Variants in ANKRD26 observed in about 807,000 individuals in gnomAD.
The protein encoded by ANKRD26 is ankyrin repeat domain 26.
ANKRD26 carries 141 observed loss-of-function variants against 208.7 expected under a neutral mutation model. That is an observed-to-expected ratio of 0.68 (90% CI 0.59 to 0.78). The LOEUF (loss-of-function observed/expected upper bound fraction) is 0.78. Among genes scored for constraint, ANKRD26 ranks in the 30% least tolerant of loss-of-function variants. The probability of loss-of-function intolerance (pLI) is 0.00; values close to 1 mark genes in which losing one functional copy is unlikely to be tolerated. For synonymous variants in ANKRD26, 636 were observed against 660.4 expected (o/e 0.96, Z 0.57); for missense variants, 1,889 against 1,938.7 (o/e 0.97, Z 0.48).
intron 17 of ANKRD26, among the ~76,000 whole-genome samples, chr10:27,047,102 T>A (rs2135325116): frequency 6.6e-6 from 1 of 152,310 alleles, no homozygotes; most frequent in East Asian, 1.9e-4. Context: ...AAGTAGCAAT[T>A]AGATTTGGGC....
At chr10:27,093,287 T>C (rs1307278130) in intron 3 of ANKRD26, 62 bp downstream of exon 3, 50 of 1,491,676 alleles carry the variant, frequency 3.4e-5, no homozygotes, top group Non-Finnish European at 4.4e-5. Context: ...AACCCTTACA[T>C]ATGTCACTGT....
intron 15 of ANKRD26, among the ~76,000 whole-genome samples, chr10:27,059,340 TATA>T (rs2054963741): frequency 6.6e-6 from 1 of 152,110 alleles, no homozygotes; most frequent in South Asian, 2.1e-4. Flanking sequence ...ATCTGAAAAA[TATA>T]ATGCTAGGCA....
rs71281564 is a variant in ANKRD26 at position 27,078,910 on chromosome 10, TA to T, written c.813+178del. On this transcript the variant is annotated intron_variant, in intron 7 of 33. Coordinates refer to ENST00000376087, the MANE Select transcript of ANKRD26 (RefSeq NM_014915.3). Reference sequence around the variant, plus strand: ...ATCAATCCTTTGTTATTTACCAAAGTAAAAAAAAAAAAAAAAAAAGAATTCA... The same window carrying T: ...ATCAATCCTTTGTTATTTACCAAAGTAAAAAAAAAAAAAAAAAAGAATTCA... 0.035 allele frequency among the ~76,000 whole-genome samples: 2,625 copies of T among 74,560 alleles called. 113 individuals are homozygous for T. Among genetic ancestry groups the T allele is most frequent in the East Asian group, 0.18 (706 of 3,866 alleles). The allele number at this position is 74,560 out of a possible 152,430, so 48.9% of individuals were successfully genotyped here.
intron 5 of ANKRD26, among the ~76,000 whole-genome samples, chr10:26,978,429 C>T (rs2052258922): frequency 6.6e-6 from 1 of 152,000 alleles, no homozygotes; most frequent in African/African-American, 2.4e-5. Flanking sequence ...GCACTGCAGC[C>T]TAGGTGACAG....
At chr10:27,042,952 C>CA (rs376971749) in intron 20 of ANKRD26, among the ~76,000 whole-genome samples, 3,970 of 82,298 alleles carry the variant, frequency 0.048, 79 homozygotes, top group South Asian at 0.076. Flanking sequence ...AATTTTGTCT[C>CA]AAAAAAAAAA....
At chr10:27,061,353 C>A in intron 12 of ANKRD26, 111 bp from the exon 13 acceptor site, 1 of 672,014 alleles carries the variant, frequency 1.5e-6, no homozygotes, top group Non-Finnish European at 2.5e-6. Flanking sequence ...AAAATTAGTG[C>A]AGTTTTTTAA....
chr10:26,980,962 G>A (rs1039989250), intron 4 of ANKRD26, among the ~76,000 whole-genome samples: 1 of 152,160 alleles, frequency 6.6e-6, no homozygotes, highest in Non-Finnish European at 1.5e-5. Context: ...CTGTAAGGAG[G>A]TGAGGCAGTC....
At chr10:27,053,501 G>T in intron 15 of ANKRD26, 111 bp from the exon 16 acceptor site, 1 of 785,544 alleles carries the variant, frequency 1.3e-6, no homozygotes, top group South Asian at 2.2e-5. Context: ...AAATCGAGAG[G>T]GTTTTCTTCT....
rs368560982 is a variant in ANKRD26 at position 27,100,226 on chromosome 10, G to A, written c.101C>T (p.Ala34Val). The A allele has an allele frequency of 1.5e-4, 239 of 1,612,736 alleles. 1 individual carries two copies. Among genetic ancestry groups the A allele is most frequent in the Middle Eastern group, 5.0e-4 (3 of 6,056 alleles). Reference sequence around the variant, plus strand: ...GACGTGGTAGCCGGGCTGCGAGTAGGCGCCCTCCCCCGGCTCGCCCCCGCC... The same window carrying A: ...GACGTGGTAGCCGGGCTGCGAGTAGACGCCCTCCCCCGGCTCGCCCCCGCC... ...AGGGGEPGEG[A>V]YSQPGYHVRD... Residue 34 changes from alanine (A) to valine (V), a missense_variant, in exon 1 of 34, where the codon GCC becomes GTC. Physicochemically the swap from Ala to Val is moderately conservative, Grantham distance 64 (BLOSUM62 0). This residue lies in a region of ANKRD26 where 1,272 missense variants were observed against 1,273.8 expected (regional missense o/e 1.00). Transcript: ENST00000376087.
the ANKRD26 span, among the ~76,000 whole-genome samples, chr10:26,966,372 A>G: frequency 0.02 from 3,038 of 152,324 alleles, 50 homozygotes; most frequent in Admixed American, 0.035. Flanking sequence ...TCAGCAAACT[A>G]ACACAGGAAC....
downstream of ANKRD26, among the ~76,000 whole-genome samples, chr10:26,968,957 C>T (rs1399606453): frequency 6.6e-6 from 1 of 152,108 alleles, no homozygotes; most frequent in Non-Finnish European, 1.5e-5. Flanking sequence ...TGCCCTGGAT[C>T]CGAAGTTAAT....
intron 20 of ANKRD26, among the ~76,000 whole-genome samples, chr10:27,042,881 G>A (rs185542936): frequency 1.7e-3 from 249 of 143,008 alleles, no homozygotes; most frequent in African/African-American, 6.3e-3. Flanking sequence ...CACAAGAATC[G>A]CTTGAACCCG....
At chr10:26,967,107 A>G in the ANKRD26 span, among the ~76,000 whole-genome samples, 3 of 138,412 alleles carry the variant, frequency 2.2e-5, no homozygotes, top group Admixed American at 7.1e-5. Flanking sequence ...TAAATTTCAT[A>G]TTTTTATGAC....
chr10:26,967,497 G>A, the ANKRD26 span, among the ~76,000 whole-genome samples: 6 of 151,554 alleles, frequency 4.0e-5, no homozygotes, highest in East Asian at 1.9e-4. Flanking sequence ...TCATTCCCAC[G>A]GCTTCAGTTA....
intron 32 of ANKRD26, among the ~76,000 whole-genome samples, chr10:27,010,164 A>G (rs1172547950): frequency 6.6e-6 from 1 of 152,162 alleles, no homozygotes; most frequent in Non-Finnish European, 1.5e-5. Flanking sequence ...AATTTTTTTA[A>G]TGTATGAAAG....
intron 6 of ANKRD26, chr10:27,080,276 C>G (rs1195309225): frequency 3.3e-5 from 5 of 152,726 alleles, no homozygotes; most frequent in African/African-American, 1.2e-4. Context: ...ATATGTGTCA[C>G]TCAAAAATGG....
downstream of ANKRD26, among the ~76,000 whole-genome samples, chr10:26,972,836 C>CGCCT (rs1228650157): frequency 4.6e-5 from 7 of 152,080 alleles, no homozygotes; most frequent in Non-Finnish European, 8.8e-5. Context: ...GTGATCTGCC[C>CGCCT]GCCTCAGCCT....
chr10:27,014,434 T>A (rs1224285216), intron 31 of ANKRD26, 60 bp downstream of exon 31: 4 of 1,288,390 alleles, frequency 3.1e-6, no homozygotes. Context: ...CTAAGAATTA[T>A]GCTTTCAAGG....
In ANKRD26 at chr10:27,061,181, C is replaced by T. The variant is rs749323225; in HGVS notation, c.1425G>A (p.Glu475=). 6.2e-7 allele frequency: 1 copy of T among 1,612,748 alleles called. No individual in the cohort carries two copies. Among genetic ancestry groups the T allele is most frequent in the Non-Finnish European group, 8.5e-7 (1 of 1,179,166 alleles). ...CTGGCATGCCTACATTTCTTGTATC[C>T]TCTAGTTTAGCCATCTTAAAGTTTC... ...GSRNFKMAKL[E]DTRNVGMPVA... is the part of the protein sequence containing the mutation. Residue 475 remains glutamate (E), a synonymous_variant, in exon 13 of 34, where the codon GAG becomes GAA. Coordinates refer to ENST00000376087, the MANE Select transcript of ANKRD26 (RefSeq NM_014915.3).
Sources: allele counts gnomAD v4.1 joint callset (sites outside exome capture counted in the v4.1 genomes callset), GRCh38; gene constraint gnomAD v4.1.1; regional missense constraint gnomAD v4.1.1; transcripts MANE v1.5; gene names NCBI Gene and HGNC (gene_info 2026-07-23, HGNC 2026-07-21).